Variants in UTP20 observed in about 807,000 individuals in gnomAD.
The protein encoded by UTP20 is small subunit processome component 20 homolog.
UTP20 carries 164 observed loss-of-function variants against 329.5 expected under a neutral mutation model. That is an observed-to-expected ratio of 0.50 (90% CI 0.44 to 0.57). The LOEUF (loss-of-function observed/expected upper bound fraction) is 0.57, where lower values mean the gene tolerates loss of function less well. Ranked by LOEUF, UTP20 falls within the 20% of genes least tolerant of loss-of-function variation. The probability of loss-of-function intolerance (pLI) is 0.00; values close to 1 mark genes in which losing one functional copy is unlikely to be tolerated. For missense variants in UTP20, 3,055 were observed against 3,284.2 expected (o/e 0.93, Z 1.71); for synonymous variants, 1,151 against 1,159.3 (o/e 0.99, Z 0.14).
At chr12:101,351,547 T>G (rs1038528445) in intron 38 of UTP20, among the ~76,000 whole-genome samples, 1 of 138,542 alleles carries the variant, frequency 7.2e-6, no homozygotes, top group African/African-American at 2.7e-5. Context: ...TTTTTTTTTT[T>G]GATAAAAGTT....
intron 57 of UTP20, among the ~76,000 whole-genome samples, chr12:101,380,701 A>C (rs1184647264): frequency 6.6e-6 from 1 of 151,890 alleles, no homozygotes; most frequent in Non-Finnish European, 1.5e-5. Flanking sequence ...CATCACTACT[A>C]AAAATACAAA....
chr12:101,300,035 CTG>C lies in UTP20; in HGVS notation c.1651_1652del (p.Val551Ter). On this transcript the variant is annotated frameshift_variant, in exon 14 of 62. Transcript: ENST00000261637. LOFTEE classifies it high-confidence loss of function. ...GGCTTCATAGAGGCACTCTTCATGA[CTG>C]TTGACAAAGGAAGCTTTGGGAAAGG... 1 of 1,614,170 alleles carries C rather than the reference CTG, an allele frequency of 6.2e-7. No individual in the cohort carries two copies. Among genetic ancestry groups the C allele is most frequent in the Non-Finnish European group, 8.5e-7 (1 of 1,180,006 alleles).
At chr12:101,355,654 T>C (rs1270480537) in intron 41 of UTP20, among the ~76,000 whole-genome samples, 1 of 152,212 alleles carries the variant, frequency 6.6e-6, no homozygotes, top group Non-Finnish European at 1.5e-5. Flanking sequence ...TACTGCCTTT[T>C]CATCACAACA....
intron 5 of UTP20, among the ~76,000 whole-genome samples, chr12:101,288,433 A>G (rs703713): frequency 0.69 from 104,262 of 152,018 alleles, 36,503 homozygotes; most frequent in African/African-American, 0.84. Context: ...GTAGAATGGG[A>G]GGATTATAAT....
chr12:101,385,446 A>ATTTT, intron 60 of UTP20, 137 bp from the exon 61 acceptor site: 1 of 996,146 alleles, frequency 1.0e-6, no homozygotes. Flanking sequence ...AAGAGTTGAA[A>ATTTT]TTTTGTTTTG....
At chr12:101,354,112 A>C (rs936384048) in intron 40 of UTP20, among the ~76,000 whole-genome samples, 2 of 151,980 alleles carry the variant, frequency 1.3e-5, no homozygotes, top group Non-Finnish European at 2.9e-5. Flanking sequence ...TATACAAAAA[A>C]TTAGCTGGAC....
rs756988988 is a variant in UTP20 at position 101,327,125 on chromosome 12, A to T, written c.3086A>T (p.Gln1029Leu). The T allele has an allele frequency of 1.7e-5, 28 of 1,612,416 alleles. No individual in the cohort carries two copies. Among genetic ancestry groups the T allele is most frequent in the African/African-American group, 2.7e-5 (2 of 74,914 alleles). ...AAGAATAAGACTGGGAGTAAAACTC[A>T]GGGGAAATCTGCTTCAGGCACCCGC... is the stretch of plus-strand genomic sequence containing the variant. Reference protein sequence around the residue: ...RMKNKTGSKTQGKSASGTRMA... With the variant: ...RMKNKTGSKTLGKSASGTRMA... Residue 1029 changes from glutamine to leucine, a missense_variant, in exon 26 of 62, where the codon CAG becomes CTG. By Grantham distance (113) the Gln-to-Leu change is moderately radical. Around this residue, in one of 3 missense-constraint regions of UTP20, gnomAD observed 2,445 missense variants for 2,575.5 expected, o/e 0.95. Transcript: ENST00000261637.
intron 18 of UTP20, 96 bp from the exon 19 acceptor site, chr12:101,309,667 C>A: frequency 8.1e-7 from 1 of 1,240,994 alleles, no homozygotes. Context: ...TCTTTCCAAA[C>A]CTCAGGTTGT....
At chr12:101,306,124 T>C in intron 16 of UTP20, 59 bp downstream of exon 16, 1 of 1,477,810 alleles carries the variant, frequency 6.8e-7, no homozygotes, top group South Asian at 1.4e-5. Flanking sequence ...CTATATGGAC[T>C]GCAGTGGTTT....
intron 43 of UTP20, among the ~76,000 whole-genome samples, chr12:101,361,119 C>T (rs550992947): frequency 3.0e-4 from 45 of 152,276 alleles, no homozygotes; most frequent in African/African-American, 1.1e-3. Flanking sequence ...GTAGTACCTA[C>T]TCCATAGATT....
chr12:101,375,661 T>G lies in UTP20; in HGVS notation c.7301T>G (p.Leu2434Arg). ...ACTGAAGAAAAAGCTGCAGATCGCC[T>G]TCTGTTTAGTTTTCTTACACTGATA... ...EETEEKAADR[L>R]LFSFLTLITK... The change falls in exon 56 of 62, where the codon CTT becomes CGT. Residue 2434 changes from leucine (L) to arginine (R), a missense_variant. Around this residue, in one of 3 missense-constraint regions of UTP20, gnomAD observed 273 missense variants for 363.1 expected, o/e 0.75. Coordinates refer to ENST00000261637, the MANE Select transcript of UTP20 (RefSeq NM_014503.3). 1 of 1,612,244 alleles carries G rather than the reference T, an allele frequency of 6.2e-7. No homozygotes were observed. Among genetic ancestry groups the G allele is most frequent in the Non-Finnish European group, 8.5e-7 (1 of 1,179,414 alleles).
chr12:101,351,376 C>T (rs749527730), intron 38 of UTP20, among the ~76,000 whole-genome samples: 14 of 152,130 alleles, frequency 9.2e-5, no homozygotes, highest in African/African-American at 1.4e-4. Flanking sequence ...CCACCAGCCT[C>T]GGCCTCCCAA....
At position 101,280,281 on chromosome 12, in the gene UTP20, C is replaced by T. The variant is rs1156786709; in HGVS notation, c.-2C>T. 8 of 1,551,652 alleles carry T rather than the reference C, an allele frequency of 5.2e-6. No individual in the cohort carries two copies. Among genetic ancestry groups the T allele is most frequent in the African/African-American group, 4.1e-5 (3 of 73,078 alleles). The stretch of plus-strand genomic sequence containing the variant: ...GTCGCGGGCCACTGGCCCTCTGCAG[C>T]CATGAAGACAAAGCCCGTTTCCCAC... On this transcript the variant is annotated 5_prime_UTR_variant, in exon 1 of 62. Coordinates refer to ENST00000261637, the MANE Select transcript of UTP20 (RefSeq NM_014503.3).
chr12:101,341,289 T>C (rs1468293218), intron 32 of UTP20, among the ~76,000 whole-genome samples: 1 of 149,316 alleles, frequency 6.7e-6, no homozygotes, highest in Non-Finnish European at 1.5e-5. Flanking sequence ...CATTATATAA[T>C]CTTAATTGTA....
Position 101,356,949 on chromosome 12 carries a change from TA to T in UTP20, c.5559del (p.Leu1854SerfsTer19). 2 of 1,612,142 alleles carry T rather than the reference TA, an allele frequency of 1.2e-6. No homozygotes were observed. Among genetic ancestry groups the T allele is most frequent in the Non-Finnish European group, 1.7e-6 (2 of 1,179,644 alleles). ...AGTATTTTGCTGAAAGTGTGTGCCC[TA>T]CTCAAGAACAGAGCCCAAGAAATCA... is the stretch of plus-strand genomic sequence containing the variant. Reference protein sequence around the residue: ...LPSILLKVCALLKNRAQEIRD... With the variant: ...LPSILLKVCAXLKNRAQEIRD... On this transcript the variant is annotated frameshift_variant, in exon 43 of 62. Transcript: ENST00000261637. LOFTEE classifies it high-confidence loss of function.
At position 101,357,058 on chromosome 12, in the gene UTP20, G is replaced by A. The variant is rs374794776; in HGVS notation, c.5667G>A (p.Gln1889=). 3 of 1,612,508 alleles carry A rather than the reference G, an allele frequency of 1.9e-6. No homozygotes were observed. Among genetic ancestry groups the A allele is most frequent in the Non-Finnish European group, 2.5e-6 (3 of 1,179,508 alleles). Residue 1889 remains glutamine (Q), a synonymous_variant, in exon 43 of 62, where the codon CAG becomes CAA. Coordinates refer to ENST00000261637, the MANE Select transcript of UTP20 (RefSeq NM_014503.3). ...TCCTATATGTTTTAAAAGAATTACA[G>A]ACTACTCTTGTCCGTGGATACCAGG... ...HFLLYVLKEL[Q]TTLVRGYQVH...
At chr12:101,325,626 G>C (rs1009709205) in intron 25 of UTP20, among the ~76,000 whole-genome samples, 2 of 152,172 alleles carry the variant, frequency 1.3e-5, no homozygotes, top group African/African-American at 4.8e-5. Context: ...AAATACTTTT[G>C]CTGTGCATGG....
Position 101,356,635 on chromosome 12 carries a change from G to A in UTP20, c.5476G>A (p.Ala1826Thr), listed in dbSNP as rs201154660. 1.9e-6 allele frequency: 3 copies of A among 1,614,020 alleles called. No individual in the cohort carries two copies. The highest frequency in any genetic ancestry group is 1.7e-6 in the Non-Finnish European group (2 of 1,179,938). The change falls in exon 42 of 62, where the codon GCC becomes ACC. Residue 1826 changes from alanine to threonine, a missense_variant. Ala to Thr is a moderately conservative substitution (Grantham distance 58). Around this residue, in one of 3 missense-constraint regions of UTP20, gnomAD observed 2,445 missense variants for 2,575.5 expected, o/e 0.95. Transcript: ENST00000261637. Reference protein sequence around the residue: ...EEVVRVPLAFAMVKLMQSLPQ... With the variant: ...EEVVRVPLAFTMVKLMQSLPQ... ...AGTCGTTCGAGTTCCATTAGCTTTT[G>A]CCATGGTTAAACTAATGCAGTCCCT...
At chr12:101,371,274 T>A in intron 51 of UTP20, 106 bp downstream of exon 51, 1 of 833,966 alleles carries the variant, frequency 1.2e-6, no homozygotes, top group Non-Finnish European at 1.8e-6. Context: ...TGTGTCGTAT[T>A]GTTGCTTTAT....
Sources: allele counts gnomAD v4.1 joint callset (sites outside exome capture counted in the v4.1 genomes callset), GRCh38; gene constraint gnomAD v4.1.1; regional missense constraint gnomAD v4.1.1; transcripts MANE v1.5; gene names NCBI Gene and HGNC (gene_info 2026-07-23, HGNC 2026-07-21).